Variants in PAK5 observed in about 807,000 individuals in gnomAD.
The protein encoded by PAK5 is p21 (RAC1) activated kinase 5.
A neutral mutation model predicts 65.9 loss-of-function variants in PAK5; 16 were observed. The ratio of observed to expected loss-of-function variants is 0.24; its 90% CI spans 0.16 to 0.37. The LOEUF (loss-of-function observed/expected upper bound fraction) is 0.37. Among genes scored for constraint, PAK5 ranks in the 10% least tolerant of loss-of-function variants. PAK5 has a pLI of 1.00. For missense variants in PAK5, 785 were observed against 903.9 expected (o/e 0.87, Z 1.69); for synonymous variants, 371 against 354.9 (o/e 1.05, Z -0.51).
At chr20:9,778,082 C>A (rs2048904660) in intron 1 of PAK5, among the ~76,000 whole-genome samples, 1 of 152,102 alleles carries the variant, frequency 6.6e-6, no homozygotes, top group Admixed American at 6.5e-5. Context: ...AAAATATTAA[C>A]CAAAAGAACA....
intron 3 of PAK5, among the ~76,000 whole-genome samples, chr20:9,599,374 G>A (rs960404115): frequency 1.1e-4 from 16 of 152,206 alleles, no homozygotes; most frequent in Admixed American, 3.3e-4. Flanking sequence ...GGTGTACTGA[G>A]TAGTGGAGTT....
intron 2 of PAK5, among the ~76,000 whole-genome samples, chr20:9,653,653 T>C (rs775775858): frequency 1.4e-4 from 22 of 152,370 alleles, no homozygotes; most frequent in Non-Finnish European, 3.2e-4. Flanking sequence ...ACTACATCTA[T>C]ACCTCTCTCT....
At chr20:9,813,636 T>C (rs1236781174) in intron 1 of PAK5, among the ~76,000 whole-genome samples, 2 of 150,778 alleles carry the variant, frequency 1.3e-5, no homozygotes, top group African/African-American at 2.4e-5. Flanking sequence ...ATTCATACAG[T>C]GGAATGCTAT....
chr20:9,801,377 A>AT (rs549442491), intron 1 of PAK5, among the ~76,000 whole-genome samples: 6 of 151,528 alleles, frequency 4.0e-5, no homozygotes, highest in East Asian at 3.9e-4. Flanking sequence ...TGTTTTATAG[A>AT]TTTTTTTTCC....
At chr20:9,546,621 G>A (rs1000723695) in intron 7 of PAK5, among the ~76,000 whole-genome samples, 1 of 152,198 alleles carries the variant, frequency 6.6e-6, no homozygotes, top group Non-Finnish European at 1.5e-5. Flanking sequence ...AGACCGAAGA[G>A]AAAGACATCA....
intron 1 of PAK5, among the ~76,000 whole-genome samples, chr20:9,724,128 G>A (rs1482203511): frequency 6.6e-6 from 1 of 152,246 alleles, no homozygotes; most frequent in South Asian, 2.1e-4. Flanking sequence ...CCACAAAATC[G>A]AGGTTATTTA....
chr20:9,811,502 G>A (rs548818715), intron 1 of PAK5, among the ~76,000 whole-genome samples: 1 of 152,292 alleles, frequency 6.6e-6, no homozygotes, highest in South Asian at 2.1e-4. Context: ...GAGAACAGAA[G>A]GGAGAAGTGG....
intron 1 of PAK5, among the ~76,000 whole-genome samples, chr20:9,753,199 A>G (rs186785860): frequency 5.3e-5 from 8 of 152,260 alleles, no homozygotes; most frequent in African/African-American, 1.9e-4. Context: ...CTAAATTGCT[A>G]AATTTTGAAG....
At chr20:9,640,215 C>T (rs2047035613) in intron 3 of PAK5, among the ~76,000 whole-genome samples, 2 of 116,472 alleles carry the variant, frequency 1.7e-5, no homozygotes, top group Admixed American at 9.8e-5. Context: ...CCTCCCCCCA[C>T]CCCACCCCAC....
chr20:9,620,736 G>A (rs1877165870), intron 3 of PAK5, among the ~76,000 whole-genome samples: 1 of 152,084 alleles, frequency 6.6e-6, no homozygotes, highest in Non-Finnish European at 1.5e-5. Flanking sequence ...GGTTGGGAGA[G>A]TCTGAGAGAT....
chr20:9,660,280 A>G (rs1186477299), intron 2 of PAK5, among the ~76,000 whole-genome samples: 1 of 148,126 alleles, frequency 6.8e-6, no homozygotes, highest in Non-Finnish European at 1.5e-5. Context: ...TGGGCAAGTG[A>G]CAAGTGATTT....
At chr20:9,727,725 A>C (rs567216395) in intron 1 of PAK5, among the ~76,000 whole-genome samples, 3 of 152,256 alleles carry the variant, frequency 2.0e-5, no homozygotes, top group South Asian at 2.1e-4. Flanking sequence ...TAAGGGTTAT[A>C]ATGCAAAACT....
At chr20:9,655,860 G>T (rs2047260897) in intron 2 of PAK5, among the ~76,000 whole-genome samples, 1 of 152,084 alleles carries the variant, frequency 6.6e-6, no homozygotes, top group Non-Finnish European at 1.5e-5. Context: ...TCTCTCCCTG[G>T]CTTGTAGATG....
chr20:9,711,093 A>C (rs1235368566), intron 2 of PAK5, among the ~76,000 whole-genome samples, 193 bp downstream of exon 2: 1 of 152,062 alleles, frequency 6.6e-6, no homozygotes, highest in Non-Finnish European at 1.5e-5. Context: ...TACACTTTCC[A>C]CTAGAATGTC....
intron 3 of PAK5, among the ~76,000 whole-genome samples, chr20:9,615,072 A>G (rs1266631873): frequency 2.6e-5 from 4 of 152,236 alleles, no homozygotes; most frequent in Admixed American, 2.0e-4. Context: ...AAAGAAGCCA[A>G]TCTGAGAAAA....
chr20:9,771,855 T>C (rs1484157002), intron 1 of PAK5, among the ~76,000 whole-genome samples: 2 of 152,040 alleles, frequency 1.3e-5, no homozygotes, highest in Non-Finnish European at 2.9e-5. Flanking sequence ...CTGCCCAACA[T>C]GGCAAAACTC....
intron 2 of PAK5, among the ~76,000 whole-genome samples, chr20:9,658,063 G>T (rs2047293342): frequency 6.6e-6 from 1 of 152,080 alleles, no homozygotes. Flanking sequence ...AGCGAAGTAG[G>T]GTTTCCCCAA....
chr20:9,684,995 T>A (rs1212619043), intron 2 of PAK5, among the ~76,000 whole-genome samples: 1 of 152,194 alleles, frequency 6.6e-6, no homozygotes, highest in Admixed American at 6.5e-5. Context: ...TTCTCAGGAC[T>A]ATAAATGCAC....
chr20:9,797,248 T>C (rs2049115090), intron 1 of PAK5, among the ~76,000 whole-genome samples: 1 of 152,058 alleles, frequency 6.6e-6, no homozygotes, highest in Admixed American at 6.6e-5. Context: ...TTTGTTTTTT[T>C]CTTGTAAATT....
Sources: gnomAD v4.1 joint callset for allele counts (sites outside exome capture counted in the v4.1 genomes callset) on GRCh38, gnomAD v4.1.1 for gene constraint, MANE v1.5 for transcripts, NCBI Gene and HGNC (gene_info 2026-07-23, HGNC 2026-07-21) for gene names.